Variants in TNNI3K observed in about 807,000 individuals in gnomAD.
TNNI3K encodes the protein TNNI3 interacting kinase.
In TNNI3K, 140 loss-of-function variants were observed where a neutral mutation model predicts 114.5. The ratio of observed to expected loss-of-function variants is 1.22; its 90% CI spans 1.07 to 1.41. TNNI3K has a LOEUF of 1.41. TNNI3K is among the 40% of genes most tolerant of loss of function. The pLI, the probability that TNNI3K is intolerant of heterozygous loss-of-function variation, is 0.00. For synonymous variants in TNNI3K, 347 were observed against 347.5 expected (o/e 1.00, Z 0.02); for missense variants, 1,125 against 1,007.6 (o/e 1.12, Z -1.58).
At chr1:74,511,189 C>T (rs1329707784) in intron 23 of TNNI3K, among the ~76,000 whole-genome samples, 5 of 119,580 alleles carry the variant, frequency 4.2e-5, no homozygotes, top group South Asian at 2.5e-4. Context: ...CTACCGTGCC[C>T]GGCCTATTTT....
At chr1:74,326,761 T>G (rs576895645) in intron 5 of TNNI3K, among the ~76,000 whole-genome samples, 2 of 152,246 alleles carry the variant, frequency 1.3e-5, no homozygotes, top group East Asian at 3.9e-4. Flanking sequence ...AGCTTGGTCA[T>G]GAGACTGGGT....
chr1:74,400,932 C>T (rs1385130253), intron 17 of TNNI3K, among the ~76,000 whole-genome samples: 2 of 152,202 alleles, frequency 1.3e-5, no homozygotes, highest in African/African-American at 4.8e-5. Flanking sequence ...TGAGAATCCA[C>T]ATGGCCACCA....
chr1:74,394,176 C>T (rs1171580333), intron 17 of TNNI3K, among the ~76,000 whole-genome samples: 1 of 152,192 alleles, frequency 6.6e-6, no homozygotes, highest in Non-Finnish European at 1.5e-5. Context: ...AAAACCTCCT[C>T]TTATGATCAA....
At chr1:74,382,329 G>A (rs1228856605) in intron 17 of TNNI3K, among the ~76,000 whole-genome samples, 1 of 152,102 alleles carries the variant, frequency 6.6e-6, no homozygotes, top group African/African-American at 2.4e-5. Flanking sequence ...AAATACCCTT[G>A]TGATTAATAA....
intron 5 of TNNI3K, among the ~76,000 whole-genome samples, chr1:74,273,330 A>G (rs1441635810): frequency 1.3e-5 from 2 of 151,918 alleles, no homozygotes; most frequent in Non-Finnish European, 2.9e-5. Flanking sequence ...GAAAGGGGAA[A>G]TTCCATTAGA....
At chr1:74,337,059 G>A (rs1230664889) in intron 7 of TNNI3K, among the ~76,000 whole-genome samples, 10 of 150,520 alleles carry the variant, frequency 6.6e-5, no homozygotes, top group Admixed American at 5.3e-4. Context: ...GTGTGAGATG[G>A]TATCTCATTG....
intron 2 of TNNI3K, among the ~76,000 whole-genome samples, chr1:74,236,759 G>A (rs1046697563): frequency 1.3e-5 from 2 of 151,734 alleles, no homozygotes; most frequent in Non-Finnish European, 3.0e-5. Context: ...ATGATAACAA[G>A]AGAAAAATAA....
At chr1:74,391,957 A>ATTATTTTTTTTTTTT (rs1369570973) in intron 17 of TNNI3K, among the ~76,000 whole-genome samples, 60 of 93,034 alleles carry the variant, frequency 6.4e-4, no homozygotes, top group Admixed American at 1.1e-3. Flanking sequence ...ACAGCTTATT[A>ATTATTTTTTTTTTTT]TTTTTTTTTT....
chr1:74,471,832 G>T, intron 21 of TNNI3K: 1 of 446,634 alleles, frequency 2.2e-6, no homozygotes, highest in South Asian at 6.1e-5. Context: ...CTCAGGCTTT[G>T]AGTGTTGTCT....
intron 4 of TNNI3K, among the ~76,000 whole-genome samples, chr1:74,255,278 C>T (rs991936156): frequency 4.1e-5 from 6 of 147,952 alleles, no homozygotes; most frequent in Non-Finnish European, 4.5e-5. Flanking sequence ...GGCGTGAACC[C>T]GGGAGGCGGA....
chr1:74,302,323 G>C (rs1195392952), intron 5 of TNNI3K, among the ~76,000 whole-genome samples: 1 of 152,096 alleles, frequency 6.6e-6, no homozygotes, highest in Non-Finnish European at 1.5e-5. Flanking sequence ...TATTCCCTGA[G>C]ACACAATAAT....
chr1:74,252,911 G>T (rs1211576539), intron 4 of TNNI3K, among the ~76,000 whole-genome samples: 1 of 152,196 alleles, frequency 6.6e-6, no homozygotes, highest in Non-Finnish European at 1.5e-5. Flanking sequence ...GCCACTGCTT[G>T]TTCAGGCAGC....
chr1:74,269,533 A>G (rs1345793251), intron 4 of TNNI3K, among the ~76,000 whole-genome samples: 3 of 151,812 alleles, frequency 2.0e-5, no homozygotes, highest in South Asian at 2.1e-4. Context: ...AAGCTGCGTA[A>G]TACAGAGGAT....
At chr1:74,267,950 T>A (rs528892040) in intron 4 of TNNI3K, among the ~76,000 whole-genome samples, 1 of 152,092 alleles carries the variant, frequency 6.6e-6, no homozygotes, top group African/African-American at 2.4e-5. Context: ...ATGTTTCACA[T>A]GCTCTGTGAT....
chr1:74,360,748 A>G (rs1661919794), intron 11 of TNNI3K, among the ~76,000 whole-genome samples: 1 of 152,056 alleles, frequency 6.6e-6, no homozygotes, highest in Admixed American at 6.6e-5. Flanking sequence ...ATATTTCTAG[A>G]AAGTCTTCCC....
chr1:74,443,866 A>G (rs1422579296), intron 20 of TNNI3K, among the ~76,000 whole-genome samples: 2 of 152,222 alleles, frequency 1.3e-5, no homozygotes, highest in African/African-American at 4.8e-5. Flanking sequence ...TATGCAAATC[A>G]ATAAACGTAA....
At chr1:74,497,133 A>G (rs1300544952) in intron 23 of TNNI3K, among the ~76,000 whole-genome samples, 1 of 152,170 alleles carries the variant, frequency 6.6e-6, no homozygotes, top group African/African-American at 2.4e-5. Context: ...ATAACTTATA[A>G]AATTTTAATT....
intron 22 of TNNI3K, 38 bp from the exon 23 acceptor site, chr1:74,492,059 A>C: frequency 6.9e-7 from 1 of 1,459,356 alleles, no homozygotes; most frequent in African/African-American, 1.4e-5. Context: ...CACCTGTTGG[A>C]AGTATTAAAC....
chr1:74,380,415 A>G (rs1006363300), intron 17 of TNNI3K, among the ~76,000 whole-genome samples: 1 of 151,978 alleles, frequency 6.6e-6, no homozygotes. Flanking sequence ...TTAATACAAC[A>G]CTCACACGGT....
Sources: allele counts gnomAD v4.1 joint callset (sites outside exome capture counted in the v4.1 genomes callset), GRCh38; gene constraint gnomAD v4.1.1; transcripts MANE v1.5; gene names NCBI Gene and HGNC (gene_info 2026-07-23, HGNC 2026-07-21).